The following STARD8 variants were observed in gnomAD, a reference collection of about 807,000 sequenced individuals.
STARD8 encodes stAR-related lipid transfer protein 8.
STARD8 carries 25 observed loss-of-function variants against 69.4 expected under a neutral mutation model. That is an observed-to-expected ratio of 0.36 (90% CI 0.26 to 0.50). STARD8 has a LOEUF of 0.50. Among genes scored for constraint, STARD8 ranks in the 20% least tolerant of loss-of-function variants. STARD8 has a pLI of 0.96. For missense variants in STARD8, 921 were observed against 932.5 expected, an observed-to-expected ratio of 0.99 and a Z score of 0.16; for synonymous variants, 389 against 374.6, an observed-to-expected ratio of 1.04 and a Z score of -0.45.
Position 68,689,997 on chromosome X carries a change from G to A in STARD8, c.80-22917G>A, listed in dbSNP as rs59829891. ...TGGCCATGGCTCCTCAGGAAGTTTT[G>A]TTTTGTTTTGTTTTGTTTTGTTTTG... On this transcript the variant is annotated intron_variant, in intron 2 of 14. Transcript: ENST00000374599. 7.3e-3 allele frequency among the ~76,000 whole-genome samples: 791 copies of A among 107,670 alleles called. 29 individuals are homozygous for A. The East Asian group carries it at 0.14, about 19-fold the overall frequency. 93.5% of individuals were successfully genotyped at this position (107,670 alleles called of 115,157 possible). A position where few individuals can be genotyped will look rare whatever the true frequency, so the allele number is the denominator to read the frequency against.
chrX:68,685,783 A>C (rs1229045967), intron 2 of STARD8, among the ~76,000 whole-genome samples: 1 of 112,688 alleles, frequency 8.9e-6, no homozygotes, highest in Non-Finnish European at 1.9e-5. Flanking sequence ...ATATTCTGGT[A>C]CTAGAAAGAT....
intron 2 of STARD8, among the ~76,000 whole-genome samples, chrX:68,711,617 C>T (rs2080051769): frequency 8.9e-6 from 1 of 112,150 alleles, no homozygotes; most frequent in Non-Finnish European, 1.9e-5. Context: ...CTGACTTCCC[C>T]CACTCTTCCC....
chrX:68,690,107 C>T (rs2079865116), intron 2 of STARD8, among the ~76,000 whole-genome samples: 2 of 109,340 alleles, frequency 1.8e-5, no homozygotes, highest in Admixed American at 2.0e-4. Context: ...TGGGCGGGGG[C>T]CCCAAGCCAC....
At chrX:68,676,574 T>A (rs902864997) in intron 2 of STARD8, among the ~76,000 whole-genome samples, 2 of 111,864 alleles carry the variant, frequency 1.8e-5, no homozygotes, top group Admixed American at 1.9e-4. Flanking sequence ...CCTCTGCCAT[T>A]CTCTGAAGCT....
chrX:68,689,293 C>T (rs12861766), intron 2 of STARD8, among the ~76,000 whole-genome samples: 1 of 102,579 alleles, frequency 9.7e-6, no homozygotes, highest in African/African-American at 3.6e-5. Context: ...CTCCCCGAGG[C>T]GTTAGTGGGG....
rs1602624640 is a variant in STARD8, at chrX:68,724,665, G to T, written c.*243G>T. 9.4e-6 allele frequency: 3 copies of T among 320,278 alleles called. No individual in the cohort carries two copies. In the East Asian group the frequency reaches 1.5e-4, roughly 16 times the overall value. 26.4% of individuals were successfully genotyped at this position (320,278 alleles called of 1,213,427 possible). A position where few individuals can be genotyped will look rare whatever the true frequency, so the allele number is the denominator to read the frequency against. On this transcript the variant is annotated 3_prime_UTR_variant, in exon 15 of 15. Transcript: ENST00000374599. ...ACCCTGTATTCTACTCTCCCGAAAA[G>T]AGAAGAGAATCGCATGAGTAGCAAG...
chrX:68,685,434 C>T (rs2079825516), intron 2 of STARD8, among the ~76,000 whole-genome samples: 1 of 111,709 alleles, frequency 9.0e-6, no homozygotes, highest in African/African-American at 3.3e-5. Context: ...CAAATTTAAC[C>T]AGGACCCCCC....
Position 68,717,413 on chromosome X carries a change from C to A in STARD8, c.499C>A (p.Pro167Thr). ...GCCAGTCATCACCGTGAGCCTACCA[C>A]CCGAGCCAGCAGACTTGCCCTTGCC... ...SLPVITVSLP[P>T]EPADLPLPGR... The change falls in exon 6 of 15, where the codon CCC becomes ACC. Residue 167 changes from proline (P) to threonine (T), a missense_variant. Coordinates refer to ENST00000374599, the MANE Select transcript of STARD8 (RefSeq NM_001142503.3). 1.5e-5 allele frequency: 18 copies of A among 1,210,040 alleles called. No individual in the cohort carries two copies. Among genetic ancestry groups the A allele is most frequent in the Non-Finnish European group, 2.0e-5 (18 of 894,958 alleles).
At chrX:68,682,577 A>G (rs1345322118) in intron 2 of STARD8, among the ~76,000 whole-genome samples, 2 of 112,553 alleles carry the variant, frequency 1.8e-5, no homozygotes, top group African/African-American at 3.2e-5. Context: ...GATAGGGCAA[A>G]TAATTTAACC....
At chrX:68,677,733 T>C (rs1031529271) in intron 2 of STARD8, among the ~76,000 whole-genome samples, 5 of 111,294 alleles carry the variant, frequency 4.5e-5, no homozygotes, top group Non-Finnish European at 7.5e-5. Flanking sequence ...CTTTCATTAC[T>C]TTGAAAATTC....
rs776573139 is a variant in STARD8, at chrX:68,717,742, G to A, written c.828G>A (p.Lys276=). The A allele has an allele frequency of 8.3e-6, 10 of 1,210,811 alleles. No individual in the cohort carries two copies. Among genetic ancestry groups the A allele is most frequent in the Non-Finnish European group, 1.1e-5 (10 of 895,380 alleles). ...SAGGSGANTR[K]AWEAWPVASF... ...GTGGCAGTGGTGCCAATACTCGGAA[G>A]GCCTGGGAGGCCTGGCCTGTGGCCT... is the stretch of plus-strand genomic sequence containing the variant. The change falls in exon 6 of 15, where the codon AAG becomes AAA. Residue 276 remains lysine, a synonymous_variant. Transcript: ENST00000374599.
At position 68,725,676 on chromosome X, in the gene STARD8, T is replaced by C. The variant is rs1299221207; in HGVS notation, c.*1254T>C. 5.6e-5 allele frequency: 6 copies of C among 106,467 alleles called. No homozygotes were observed. The highest frequency in any genetic ancestry group is 1.2e-4 in the Non-Finnish European group (6 of 51,663). 8.8% of individuals were successfully genotyped at this position (106,467 alleles called of 1,213,427 possible). A position where few individuals can be genotyped will look rare whatever the true frequency, so the allele number is the denominator to read the frequency against. Reference sequence around the variant, plus strand: ...CATACATATATATACACACACGCATTTGCACAGACACACACATATATCAAT... The same window carrying C: ...CATACATATATATACACACACGCATCTGCACAGACACACACATATATCAAT... On this transcript the variant is annotated 3_prime_UTR_variant, in exon 15 of 15. Coordinates refer to ENST00000374599, the MANE Select transcript of STARD8 (RefSeq NM_001142503.3).
chrX:68,684,589 C>T (rs1208029319), intron 2 of STARD8, among the ~76,000 whole-genome samples: 1 of 112,443 alleles, frequency 8.9e-6, no homozygotes, highest in African/African-American at 3.2e-5. Context: ...CTGTGAGAGG[C>T]GCAGTGCAGG....
chrX:68,659,491 T>G (rs931644085), intron 1 of STARD8, among the ~76,000 whole-genome samples: 8 of 110,100 alleles, frequency 7.3e-5, no homozygotes, highest in African/African-American at 2.6e-4. Context: ...GTCAGACTAG[T>G]TTAGAGTCTG....
At position 68,673,749 on chromosome X, in the gene STARD8, G is replaced by A. The variant is rs183582393; in HGVS notation, c.79+8217G>A. On this transcript the variant is annotated intron_variant, in intron 2 of 14. Transcript: ENST00000374599. ...AGCTTCTACAGGTACACATGTACAT[G>A]TGTCACATGTGTAGTGTGCAAACAC... is the stretch of plus-strand genomic sequence containing the variant. Among the ~76,000 whole-genome samples the A allele has an allele frequency of 4.6e-3, 512 of 111,837 alleles. 2 individuals are homozygous for A. The highest frequency in any genetic ancestry group is 6.3e-3 in the Non-Finnish European group (336 of 53,186).
chrX:68,661,503 A>G (rs991613574), intron 1 of STARD8, among the ~76,000 whole-genome samples: 5 of 111,909 alleles, frequency 4.5e-5, no homozygotes, highest in Non-Finnish European at 9.4e-5. Context: ...GCTTTTGTTC[A>G]TGTTTGCATC....
chrX:68,712,202 A>G lies in STARD8; in HGVS notation c.80-712A>G, dbSNP rs1266949168. Among the ~76,000 whole-genome samples, 4 of 111,383 alleles carry G rather than the reference A, an allele frequency of 3.6e-5. No individual in the cohort carries two copies. The Admixed American group carries it at 3.8e-4, about 11-fold the overall frequency. On this transcript the variant is annotated intron_variant, in intron 2 of 14. Coordinates refer to ENST00000374599, the MANE Select transcript of STARD8 (RefSeq NM_001142503.3). ...TCATGACACTCAGCACTGCACTATG[A>G]CACAAATAGGCCAAGAGGGCTGGGG...
At chrX:68,676,705 T>C (rs141563958) in intron 2 of STARD8, among the ~76,000 whole-genome samples, 1,775 of 112,446 alleles carry the variant, frequency 0.016, 8 homozygotes, top group African/African-American at 0.035. Context: ...AAAAATAAAA[T>C]ACATGTTCTG....
intron 4 of STARD8, 131 bp from the exon 5 acceptor site, chrX:68,716,237 A>G (rs904289029): frequency 7.2e-6 from 4 of 554,879 alleles, no homozygotes; most frequent in Admixed American, 6.2e-5. Context: ...TGGTTCTTAA[A>G]CCTTCACGAA....
Sources: gnomAD v4.1 joint callset for allele counts (sites outside exome capture counted in the v4.1 genomes callset) on GRCh38, gnomAD v4.1.1 for gene constraint, MANE v1.5 for transcripts, NCBI Gene and HGNC (gene_info 2026-07-23, HGNC 2026-07-21) for gene names.